ZDHHC14: variants seen among roughly 807,000 people sequenced by gnomAD.
ZDHHC14 encodes palmitoyltransferase ZDHHC14.
A neutral mutation model predicts 47.7 loss-of-function variants in ZDHHC14; 16 were observed. The ratio of observed to expected loss-of-function variants is 0.34; its 90% CI spans 0.23 to 0.51. The LOEUF (loss-of-function observed/expected upper bound fraction) is 0.51. Among genes scored for constraint, ZDHHC14 ranks in the 20% least tolerant of loss-of-function variants. The probability of loss-of-function intolerance (pLI) is 0.97; values close to 1 mark genes in which losing one functional copy is unlikely to be tolerated. For missense variants in ZDHHC14, 515 were observed against 662.5 expected (o/e 0.78, Z 2.44); for synonymous variants, 293 against 278.9 (o/e 1.05, Z -0.50).
At chr6:157,539,382 C>T (rs903066344) in intron 1 of ZDHHC14, among the ~76,000 whole-genome samples, 4 of 151,998 alleles carry the variant, frequency 2.6e-5, no homozygotes, top group Non-Finnish European at 5.9e-5. Context: ...CCAGCCTGGG[C>T]AGCAGAGTGA....
intron 3 of ZDHHC14, among the ~76,000 whole-genome samples, chr6:157,601,394 GA>G (rs1173536029): frequency 5.3e-5 from 8 of 151,966 alleles, no homozygotes; most frequent in Admixed American, 5.2e-4. Context: ...CAAAAAAGAA[GA>G]AACAAAATCA....
intron 1 of ZDHHC14, among the ~76,000 whole-genome samples, chr6:157,529,361 ACC>A (rs1781284790): frequency 6.6e-6 from 1 of 152,224 alleles, no homozygotes; most frequent in South Asian, 2.1e-4. Context: ...AGCAAAACTA[ACC>A]AGTACGGTCT....
At chr6:157,561,858 C>T (rs1782721053) in intron 2 of ZDHHC14, among the ~76,000 whole-genome samples, 1 of 152,108 alleles carries the variant, frequency 6.6e-6, no homozygotes, top group South Asian at 2.1e-4. Context: ...GTGGGGTTTT[C>T]ACCATGTTGG....
intron 1 of ZDHHC14, among the ~76,000 whole-genome samples, chr6:157,420,501 G>A (rs1778077037): frequency 6.6e-6 from 1 of 152,138 alleles, no homozygotes; most frequent in Non-Finnish European, 1.5e-5. Flanking sequence ...GGGGTGGGCT[G>A]AATCGAGGCA....
chr6:157,599,595 G>T (rs1049464531), intron 3 of ZDHHC14, among the ~76,000 whole-genome samples: 9 of 152,198 alleles, frequency 5.9e-5, no homozygotes, highest in African/African-American at 2.2e-4. Flanking sequence ...TTTAATGGTG[G>T]ATGGCCAATG....
chr6:157,541,362 C>A (rs1781758906), intron 1 of ZDHHC14, among the ~76,000 whole-genome samples: 2 of 152,244 alleles, frequency 1.3e-5, no homozygotes, highest in South Asian at 2.1e-4. Flanking sequence ...GTCCCAGACT[C>A]GTGCCAGCAT....
chr6:157,593,962 A>G (rs564849580), intron 3 of ZDHHC14, among the ~76,000 whole-genome samples: 3 of 152,304 alleles, frequency 2.0e-5, no homozygotes, highest in African/African-American at 7.2e-5. Flanking sequence ...CCCAGTGGGG[A>G]AGACTCATGG....
intron 1 of ZDHHC14, among the ~76,000 whole-genome samples, chr6:157,489,317 G>A (rs751857399): frequency 4.6e-5 from 7 of 152,170 alleles, no homozygotes; most frequent in African/African-American, 1.4e-4. Flanking sequence ...CACTTCCTTC[G>A]TAAACGTTGT....
chr6:157,566,465 A>T (rs1234924332), intron 2 of ZDHHC14, among the ~76,000 whole-genome samples: 1 of 152,178 alleles, frequency 6.6e-6, no homozygotes, highest in Non-Finnish European at 1.5e-5. Context: ...TAGTCCAGAG[A>T]TCCCATTGCT....
At chr6:157,549,253 G>C (rs1782122156) in intron 2 of ZDHHC14, among the ~76,000 whole-genome samples, 1 of 152,344 alleles carries the variant, frequency 6.6e-6, no homozygotes, top group Non-Finnish European at 1.5e-5. Flanking sequence ...ACAGAAAGCC[G>C]AGCCTAGTAT....
chr6:157,550,794 A>T (rs139430459), intron 2 of ZDHHC14, among the ~76,000 whole-genome samples: 67 of 152,356 alleles, frequency 4.4e-4, no homozygotes, highest in African/African-American at 1.3e-3. Flanking sequence ...GGGGAAGTCT[A>T]TCTTTCTCTT....
chr6:157,556,332 A>G (rs1311658081), intron 2 of ZDHHC14, among the ~76,000 whole-genome samples: 2 of 152,178 alleles, frequency 1.3e-5, no homozygotes, highest in Non-Finnish European at 2.9e-5. Flanking sequence ...TGTGTGTTCC[A>G]CATGCCCATC....
intron 2 of ZDHHC14, among the ~76,000 whole-genome samples, chr6:157,575,306 C>G (rs1270023638): frequency 6.6e-6 from 1 of 152,218 alleles, no homozygotes; most frequent in African/African-American, 2.4e-5. Context: ...TTCATGGCAA[C>G]ATTTAGACTG....
intron 2 of ZDHHC14, among the ~76,000 whole-genome samples, chr6:157,556,831 C>G (rs984812105): frequency 6.6e-6 from 1 of 152,088 alleles, no homozygotes; most frequent in African/African-American, 2.4e-5. Context: ...CAGGCCCGGG[C>G]GGGTTCCAGG....
In ZDHHC14 at chr6:157,405,483, T is replaced by C. The variant is rs552162318; in HGVS notation, c.245+23217T>C. ...TCCTGACCTCGTGATCCACCCGCCT[T>C]GGCCTCCCAAAGTGCTGGGATTACA... is the stretch of plus-strand genomic sequence containing the variant. On this transcript the variant is annotated intron_variant, in intron 1 of 8. Transcript: ENST00000359775. Among the ~76,000 whole-genome samples, 168 of 151,838 alleles carry C rather than the reference T, an allele frequency of 1.1e-3. 1 individual carries two copies. The highest frequency in any genetic ancestry group is 9.3e-3 in the East Asian group (48 of 5,154).
intron 2 of ZDHHC14, among the ~76,000 whole-genome samples, chr6:157,548,104 CAA>C (rs559113398): frequency 6.3e-5 from 9 of 143,674 alleles, no homozygotes; most frequent in African/African-American, 2.3e-4. Flanking sequence ...CACCCCTCCC[CAA>C]AAAAAAAAAA....
At chr6:157,424,732 C>T (rs182936045) in intron 1 of ZDHHC14, among the ~76,000 whole-genome samples, 23 of 152,236 alleles carry the variant, frequency 1.5e-4, no homozygotes, top group Admixed American at 7.2e-4. Context: ...ATGAACAAAC[C>T]GGGAGTCCTG....
chr6:157,424,660 G>T (rs1033514765), intron 1 of ZDHHC14, among the ~76,000 whole-genome samples: 3 of 152,156 alleles, frequency 2.0e-5, no homozygotes, highest in African/African-American at 7.2e-5. Flanking sequence ...CAGAAACCCT[G>T]CCCCGAGCAG....
intron 1 of ZDHHC14, among the ~76,000 whole-genome samples, chr6:157,423,320 G>T (rs1484804494): frequency 6.6e-6 from 1 of 152,124 alleles, no homozygotes; most frequent in Non-Finnish European, 1.5e-5. Flanking sequence ...TTTAAATGTA[G>T]GAGGACTCTT....
Sources: gnomAD v4.1 joint callset for allele counts (sites outside exome capture counted in the v4.1 genomes callset) on GRCh38, gnomAD v4.1.1 for gene constraint, MANE v1.5 for transcripts, NCBI Gene and HGNC (gene_info 2026-07-23, HGNC 2026-07-21) for gene names.